Variants in TTC3 observed in about 807,000 individuals in gnomAD.
TTC3 encodes tetratricopeptide repeat domain 3, also known as E3 ubiquitin-protein ligase TTC3.
In TTC3, 180 loss-of-function variants were observed where a neutral mutation model predicts 249.6. The ratio of observed to expected loss-of-function variants is 0.72; its 90% CI spans 0.64 to 0.82. The LOEUF (loss-of-function observed/expected upper bound fraction) is 0.82. Ranked by LOEUF, TTC3 falls within the 40% of genes least tolerant of loss-of-function variation. The pLI, the probability that TTC3 is intolerant of heterozygous loss-of-function variation, is 0.00. For synonymous variants in TTC3, 717 were observed against 805.0 expected (o/e 0.89, Z 1.85); for missense variants, 2,061 against 2,398.4 (o/e 0.86, Z 2.94).
In TTC3 at chr21:37,164,270, A is replaced by G. The variant is rs1341275620; in HGVS notation, c.3335+55A>G. The G allele has an allele frequency of 2.8e-6, 4 of 1,418,196 alleles. No homozygotes were observed. In the East Asian group the frequency reaches 1.0e-4, roughly 37 times the overall value. The allele number at this position is 1,418,196 out of a possible 1,614,324, so 87.9% of individuals were successfully genotyped here. A position where few individuals can be genotyped will look rare whatever the true frequency, so the allele number is the denominator to read the frequency against. On this transcript the variant is annotated intron_variant, in intron 32 of 45. Coordinates refer to ENST00000355666, the Ensembl canonical transcript of TTC3. ...ATTTTATACTAAGGCTGCCAATTAAAGATCAGAAGTTGTTTAATTTGTGCC... is the reference window on the plus strand; with the variant it reads ...ATTTTATACTAAGGCTGCCAATTAAGGATCAGAAGTTGTTTAATTTGTGCC...
intron 31 of TTC3, among the ~76,000 whole-genome samples, chr21:37,163,625 C>T (rs2080979904): frequency 6.6e-6 from 1 of 152,210 alleles, no homozygotes; most frequent in African/African-American, 2.4e-5. Flanking sequence ...GCTGGGATTA[C>T]AGGCGTGAGC....
At chr21:37,107,584 C>T (rs889942330) in intron 10 of TTC3, among the ~76,000 whole-genome samples, 5 of 152,112 alleles carry the variant, frequency 3.3e-5, no homozygotes. Context: ...TTACATTTTA[C>T]AGATGAGAAA....
chr21:37,196,128 A>G (rs1274121099), intron 42 of TTC3, 92 bp downstream of exon 42: 2 of 1,502,894 alleles, frequency 1.3e-6, no homozygotes, highest in Non-Finnish European at 9.0e-7. Context: ...AGGTGTTAAC[A>G]TGAAAAGGGT....
intron 14 of TTC3, among the ~76,000 whole-genome samples, chr21:37,125,796 G>A (rs965541151): frequency 6.6e-6 from 1 of 152,050 alleles, no homozygotes; most frequent in Admixed American, 6.6e-5. Flanking sequence ...AGATGTGATA[G>A]TGTTAATTCA....
chr21:37,163,963 T>A, intron 31 of TTC3, 88 bp from the exon 32 acceptor site: 1 of 1,441,126 alleles, frequency 6.9e-7, no homozygotes, highest in Non-Finnish European at 9.4e-7. Flanking sequence ...ATTATTGTGT[T>A]TATTTCAATT....
chr21:37,124,461 ATAATGT>A (rs1326378293), intron 13 of TTC3, among the ~76,000 whole-genome samples, 152 bp from the exon 14 acceptor site: 2 of 152,208 alleles, frequency 1.3e-5, no homozygotes, highest in Non-Finnish European at 2.9e-5. Context: ...CAAATATAAA[ATAATGT>A]TTATGTATAA....
intron 10 of TTC3, chr21:37,108,118 A>G (rs754485132): frequency 5.2e-5 from 15 of 289,096 alleles, no homozygotes; most frequent in Admixed American, 1.5e-4. Flanking sequence ...CATAGGTACA[A>G]TGTCGAAATG....
chr21:37,170,129 T>C (rs2081626654), intron 34 of TTC3, among the ~76,000 whole-genome samples: 1 of 152,226 alleles, frequency 6.6e-6, no homozygotes, highest in African/African-American at 2.4e-5. Flanking sequence ...ATGCATGTAA[T>C]GTGTATATCC....
intron 27 of TTC3, 113 bp downstream of exon 27, chr21:37,153,390 T>C: frequency 9.7e-7 from 1 of 1,032,110 alleles, no homozygotes; most frequent in Non-Finnish European, 1.4e-6. Context: ...TGCAGGACTA[T>C]AAATTTGTAT....
intron 7 of TTC3, 57 bp from the exon 8 acceptor site, chr21:37,093,948 A>G (rs1023950226): frequency 3.1e-5 from 35 of 1,144,050 alleles, no homozygotes; most frequent in Non-Finnish European, 3.8e-5. Flanking sequence ...ATCAATACCA[A>G]TTTGTTTTTT....
chr21:37,183,683 CT>C (rs1038915671), intron 36 of TTC3, among the ~76,000 whole-genome samples: 44 of 152,106 alleles, frequency 2.9e-4, no homozygotes, highest in African/African-American at 1.0e-3. Context: ...GCCTCACTTT[CT>C]CTCTGTGTAG....
intron 35 of TTC3, among the ~76,000 whole-genome samples, chr21:37,175,263 CAAAAA>C (rs58424565): frequency 1.9e-5 from 1 of 54,020 alleles, no homozygotes; most frequent in Non-Finnish European, 3.6e-5. Context: ...GACTGTGTCT[CAAAAA>C]AAAAAAAAAA....
At chr21:37,087,132 T>C in intron 1 of TTC3, 115 bp from the exon 2 acceptor site, 7 of 1,189,566 alleles carry the variant, frequency 5.9e-6, no homozygotes, top group Non-Finnish European at 7.1e-6. Flanking sequence ...ATAGGAGTTA[T>C]TTCCTTGGGC....
chr21:37,199,142 G>A (rs2085243260), intron 44 of TTC3, among the ~76,000 whole-genome samples: 1 of 152,164 alleles, frequency 6.6e-6, no homozygotes, highest in African/African-American at 2.4e-5. Context: ...GGGAGAGACA[G>A]CAAAACCCTG....
At position 37,087,401 on chromosome 21, in the gene TTC3, G is replaced by A. The variant is rs144396837; in HGVS notation, c.144G>A (p.Val48=). The A allele has an allele frequency of 8.7e-4, 1,401 of 1,612,848 alleles. 8 individuals carry two copies. In the Middle Eastern group the frequency reaches 0.023, roughly 26 times the overall value. Residue 48 remains valine, a splice_region_variant and synonymous_variant, in exon 2 of 46, where the codon GTG becomes GTA. Transcript: ENST00000355666. The stretch of plus-strand genomic sequence containing the variant: ...TGACTCAGCTTTACTGTGATGGGGT[G>A]GTAAGTAGGTTTGCTAATTTTTCAT...
In TTC3 at chr21:37,108,372, A is replaced by G. The variant is rs762272851; in HGVS notation, c.846-20A>G. On this transcript the variant is annotated intron_variant, in intron 10 of 45. Coordinates refer to ENST00000355666, the Ensembl canonical transcript of TTC3. ...ACTATAAAAGAGTGAAAATTTTTAA[A>G]TACTTGTTTTTCCTTTTAGAAATGC... The G allele has an allele frequency of 3.7e-6, 6 of 1,600,652 alleles. No individual in the cohort carries two copies. Among genetic ancestry groups the G allele is most frequent in the Non-Finnish European group, 5.1e-6 (6 of 1,175,954 alleles).
chr21:37,113,983 A>G (rs544258094), intron 11 of TTC3, among the ~76,000 whole-genome samples: 1 of 152,246 alleles, frequency 6.6e-6, no homozygotes, highest in Non-Finnish European at 1.5e-5. Context: ...CTGGCCAACC[A>G]TATGTAGAAA....
At chr21:37,110,051 C>T (rs1478178233) in intron 11 of TTC3, among the ~76,000 whole-genome samples, 1 of 152,092 alleles carries the variant, frequency 6.6e-6, no homozygotes, top group Non-Finnish European at 1.5e-5. Flanking sequence ...ACCAAAAACC[C>T]ATCTGTACGT....
intron 28 of TTC3, among the ~76,000 whole-genome samples, chr21:37,158,855 G>A (rs2080383509): frequency 6.6e-6 from 1 of 152,024 alleles, no homozygotes; most frequent in East Asian, 1.9e-4. Flanking sequence ...GTCCTTTGCT[G>A]TCCACCCCAC....
Sources: gnomAD v4.1 joint callset for allele counts (sites outside exome capture counted in the v4.1 genomes callset) on GRCh38, gnomAD v4.1.1 for gene constraint, MANE v1.5 for transcripts, NCBI Gene and HGNC (gene_info 2026-07-23, HGNC 2026-07-21) for gene names.